The following SHANK2 variants were observed in gnomAD, a reference collection of about 807,000 sequenced individuals.
The protein encoded by SHANK2 is SH3 and multiple ankyrin repeat domains 2.
In SHANK2, 43 loss-of-function variants were observed where a neutral mutation model predicts 133.7. That is an observed-to-expected ratio of 0.32 (90% CI 0.25 to 0.41). SHANK2 has a LOEUF of 0.41. Ranked by LOEUF, SHANK2 falls within the 10% of genes least tolerant of loss-of-function variation. SHANK2 has a pLI of 1.00. For synonymous variants in SHANK2, 1,017 were observed against 952.8 expected (o/e 1.07, Z -1.24); for missense variants, 1,994 against 2,235.8 (o/e 0.89, Z 2.18).
At chr11:70,499,867 C>T (rs1297739300) in intron 21 of SHANK2, among the ~76,000 whole-genome samples, 7 of 152,184 alleles carry the variant, frequency 4.6e-5, no homozygotes, top group Admixed American at 2.6e-4. Flanking sequence ...TAAGATGTGC[C>T]TTAGGGCCAG....
At chr11:70,859,715 G>A (rs1277654089) in intron 11 of SHANK2, among the ~76,000 whole-genome samples, 2 of 152,218 alleles carry the variant, frequency 1.3e-5, no homozygotes, top group Admixed American at 1.3e-4. Flanking sequence ...GCCCTTGAAT[G>A]TGGTTTGACC....
chr11:71,172,395 C>G (rs1438254931), intron 2 of SHANK2, among the ~76,000 whole-genome samples: 1 of 151,910 alleles, frequency 6.6e-6, no homozygotes, highest in African/African-American at 2.4e-5. Context: ...GTCAGGAGTT[C>G]GAGACCAGCT....
chr11:70,731,973 C>T (rs1946299173), intron 14 of SHANK2, among the ~76,000 whole-genome samples: 1 of 152,128 alleles, frequency 6.6e-6, no homozygotes, highest in African/African-American at 2.4e-5. Context: ...CCTGGCCACT[C>T]CTGTGGCCTC....
intron 17 of SHANK2, chr11:70,604,216 A>C (rs535990247): frequency 6.6e-6 from 1 of 152,390 alleles, no homozygotes; most frequent in South Asian, 2.1e-4. Context: ...TCTCTCACCC[A>C]TGGTGGGGCA....
At chr11:70,659,793 C>T in intron 17 of SHANK2, 35 bp downstream of exon 17, 1 of 1,613,948 alleles carries the variant, frequency 6.2e-7, no homozygotes, top group Non-Finnish European at 8.5e-7. Context: ...CGGCGCTCTC[C>T]CCAAGCAGAA....
chr11:71,240,895 T>A (rs1456928926), intron 1 of SHANK2: 1 of 152,160 alleles, frequency 6.6e-6, no homozygotes, highest in Non-Finnish European at 1.5e-5. Context: ...AGCTGAGTGG[T>A]CGATGAACCG....
chr11:70,897,994 G>C (rs74464620), intron 10 of SHANK2, among the ~76,000 whole-genome samples: 17 of 131,916 alleles, frequency 1.3e-4, no homozygotes, highest in African/African-American at 3.9e-4. Context: ...GCAGGGTCTT[G>C]TTCTGTCATC....
At chr11:70,638,318 C>G (rs1278208193) in intron 17 of SHANK2, among the ~76,000 whole-genome samples, 1 of 152,214 alleles carries the variant, frequency 6.6e-6, no homozygotes, top group Non-Finnish European at 1.5e-5. Flanking sequence ...ACAGAGGACC[C>G]AGGCCACAGA....
chr11:70,747,618 C>G (rs1366204141), intron 14 of SHANK2, among the ~76,000 whole-genome samples: 1 of 152,054 alleles, frequency 6.6e-6, no homozygotes, highest in East Asian at 1.9e-4. Context: ...TGGGGCTGAC[C>G]TGGCCCTCCC....
At chr11:70,688,024 C>G (rs1945194281) in intron 15 of SHANK2, among the ~76,000 whole-genome samples, 1 of 152,192 alleles carries the variant, frequency 6.6e-6, no homozygotes, top group African/African-American at 2.4e-5. Flanking sequence ...GGACTTGGGT[C>G]CAGAACAAAG....
chr11:71,170,559 C>A (rs928273704), intron 2 of SHANK2, among the ~76,000 whole-genome samples: 1 of 152,190 alleles, frequency 6.6e-6, no homozygotes, highest in Admixed American at 6.5e-5. Flanking sequence ...AAACTATGAT[C>A]TAATGTGCTA....
chr11:70,780,998 C>G (rs977669588), intron 14 of SHANK2, among the ~76,000 whole-genome samples: 1 of 152,118 alleles, frequency 6.6e-6, no homozygotes, highest in Non-Finnish European at 1.5e-5. Flanking sequence ...AGATTTTGAA[C>G]TAAGCAGTAA....
intron 10 of SHANK2, among the ~76,000 whole-genome samples, chr11:70,939,217 A>G (rs1457447165): frequency 6.6e-6 from 1 of 152,142 alleles, no homozygotes; most frequent in Non-Finnish European, 1.5e-5. Context: ...TAAAAAGAGG[A>G]TAGCTCCAAC....
intron 14 of SHANK2, among the ~76,000 whole-genome samples, chr11:70,789,346 T>C (rs1555047426): frequency 6.6e-6 from 1 of 152,242 alleles, no homozygotes; most frequent in African/African-American, 2.4e-5. Flanking sequence ...GCTCTGACTT[T>C]CTGATCTAGA....
In SHANK2 at chr11:70,469,344, T is replaced by G. The variant is rs1423178213; in HGVS notation, c.*3525A>C. Reference sequence around the variant, plus strand: ...GAGAGGCAGAGCTGGCCACAATGCCTGAGATAATCTACATTAGATTGCAAG... The same window carrying G: ...GAGAGGCAGAGCTGGCCACAATGCCGGAGATAATCTACATTAGATTGCAAG... On this transcript the variant is annotated 3_prime_UTR_variant, in exon 26 of 26. Coordinates refer to ENST00000601538, the MANE Select transcript of SHANK2 (RefSeq NM_012309.5). 1.3e-5 allele frequency: 2 copies of G among 152,672 alleles called. No individual in the cohort carries two copies. Among genetic ancestry groups the G allele is most frequent in the African/African-American group, 4.8e-5 (2 of 41,478 alleles). The allele number at this position is 152,672 out of a possible 1,614,324, so 9.5% of individuals were successfully genotyped here.
chr11:70,721,279 C>T (rs1241898581), intron 14 of SHANK2, among the ~76,000 whole-genome samples: 1 of 152,246 alleles, frequency 6.6e-6, no homozygotes, highest in Non-Finnish European at 1.5e-5. Context: ...ACTGCAGCCG[C>T]TCCTGGGCAC....
chr11:70,724,632 G>A (rs903752241), intron 14 of SHANK2, among the ~76,000 whole-genome samples: 4 of 152,192 alleles, frequency 2.6e-5, no homozygotes, highest in East Asian at 1.9e-4. Context: ...CAGAATTCCC[G>A]AGCTGGGAGG....
At chr11:70,544,303 C>T (rs1157389686) in intron 17 of SHANK2, among the ~76,000 whole-genome samples, 5 of 152,168 alleles carry the variant, frequency 3.3e-5, no homozygotes, top group African/African-American at 4.8e-5. Flanking sequence ...CCAGCAGCTA[C>T]GGGGAACATA....
At chr11:71,153,252 C>G (rs551991415) in intron 2 of SHANK2, among the ~76,000 whole-genome samples, 1 of 138,146 alleles carries the variant, frequency 7.2e-6, no homozygotes, top group Non-Finnish European at 1.5e-5. Flanking sequence ...CTCACCACCC[C>G]GGGGCAACCG....
Sources: gnomAD v4.1 joint callset for allele counts (sites outside exome capture counted in the v4.1 genomes callset) on GRCh38, gnomAD v4.1.1 for gene constraint, MANE v1.5 for transcripts, NCBI Gene and HGNC (gene_info 2026-07-23, HGNC 2026-07-21) for gene names.